The following CPHXL2 variants were observed in gnomAD, a reference collection of about 807,000 sequenced individuals.
CPHXL2 encodes the protein cytoplasmic polyadenylated homeobox-like protein 2.
At chr16:75,663,453 C>T in the CPHXL2 span, among the ~76,000 whole-genome samples, 1 of 152,194 alleles carries the variant, frequency 6.6e-6, no homozygotes, top group Non-Finnish European at 1.5e-5. Flanking sequence ...ACGGACCCCT[C>T]CTCTCAGCCA....
chr16:75,673,351 C>T, the CPHXL2 span, among the ~76,000 whole-genome samples: 25 of 151,950 alleles, frequency 1.6e-4, 1 homozygote, highest in East Asian at 3.9e-3. Context: ...GGGAAGTTTC[C>T]TTTAGCCTGG....
At chr16:75,676,891 T>C in the CPHXL2 span, 1 of 398,332 alleles carries the variant, frequency 2.5e-6, no homozygotes, top group Non-Finnish European at 4.4e-6. Flanking sequence ...TCTTCACTAT[T>C]ATAAGGTAAA....
At chr16:75,671,466 A>C in the CPHXL2 span, among the ~76,000 whole-genome samples, 21 of 152,150 alleles carry the variant, frequency 1.4e-4, no homozygotes, top group Admixed American at 1.4e-3. Context: ...TCGTGACTCA[A>C]AATTACCAAA....
the CPHXL2 span, among the ~76,000 whole-genome samples, chr16:75,663,202 C>A: frequency 6.6e-6 from 1 of 152,144 alleles, no homozygotes; most frequent in Non-Finnish European, 1.5e-5. Context: ...CTACTAAATT[C>A]AGAATTGCTT....
chr16:75,672,861 T>A, the CPHXL2 span, among the ~76,000 whole-genome samples: 1 of 151,926 alleles, frequency 6.6e-6, no homozygotes, highest in East Asian at 1.9e-4. Flanking sequence ...CAGACCAGCC[T>A]GGGCAACAAA....
chr16:75,660,647 G>A, the CPHXL2 span: 5 of 398,634 alleles, frequency 1.3e-5, no homozygotes, highest in Middle Eastern at 6.3e-4. Context: ...GACAGAATGA[G>A]CAAAGACAAT....
the CPHXL2 span, among the ~76,000 whole-genome samples, chr16:75,662,973 T>G: frequency 7.2e-5 from 11 of 152,108 alleles, no homozygotes; most frequent in Admixed American, 2.0e-4. Flanking sequence ...TAATTTTTTT[T>G]GTATTTTTAG....
chr16:75,669,670 T>C, the CPHXL2 span: 1 of 396,310 alleles, frequency 2.5e-6, no homozygotes, highest in Non-Finnish European at 4.4e-6. Context: ...AATCCAGGCG[T>C]GACCTCATAG....
chr16:75,663,226 G>C, the CPHXL2 span, among the ~76,000 whole-genome samples: 1 of 152,010 alleles, frequency 6.6e-6, no homozygotes, highest in Non-Finnish European at 1.5e-5. Context: ...GCTATTAGGA[G>C]CACTGAAGCT....
chr16:75,660,616 G>A, the CPHXL2 span: 2 of 398,626 alleles, frequency 5.0e-6, no homozygotes, highest in Non-Finnish European at 8.8e-6. Context: ...TCATTCTGCT[G>A]CTGTTCTTGC....
chr16:75,661,865 TCA>T, the CPHXL2 span, among the ~76,000 whole-genome samples: 1 of 152,104 alleles, frequency 6.6e-6, no homozygotes, highest in African/African-American at 2.4e-5. Flanking sequence ...ACCACAACAG[TCA>T]CAGAAAGACT....
At chr16:75,672,512 A>T in the CPHXL2 span, among the ~76,000 whole-genome samples, 2 of 152,026 alleles carry the variant, frequency 1.3e-5, no homozygotes, top group African/African-American at 4.8e-5. Context: ...TGTTTTTGAG[A>T]TAGAGACTCA....
chr16:75,673,288 A>G, the CPHXL2 span, among the ~76,000 whole-genome samples: 4 of 151,524 alleles, frequency 2.6e-5, no homozygotes, highest in African/African-American at 9.7e-5. Context: ...TATAAAAATT[A>G]GCTGGGCATG....
the CPHXL2 span, among the ~76,000 whole-genome samples, chr16:75,662,140 C>T: frequency 6.6e-6 from 1 of 152,154 alleles, no homozygotes; most frequent in African/African-American, 2.4e-5. Flanking sequence ...GCCAGAGCAG[C>T]TCACAGAACT....
chr16:75,667,776 A>G, the CPHXL2 span, among the ~76,000 whole-genome samples: 3 of 152,204 alleles, frequency 2.0e-5, no homozygotes, highest in Admixed American at 1.3e-4. Flanking sequence ...TTCCACTTGT[A>G]TATTTATCTG....
chr16:75,669,221 T>C, the CPHXL2 span: 3 of 390,202 alleles, frequency 7.7e-6, no homozygotes, highest in East Asian at 3.6e-5. Flanking sequence ...AGCGCTGAGG[T>C]TGGGGAGTCA....
At chr16:75,675,601 C>A in the CPHXL2 span, among the ~76,000 whole-genome samples, 123 of 152,278 alleles carry the variant, frequency 8.1e-4, no homozygotes, top group African/African-American at 2.9e-3. Flanking sequence ...ACTGAGGCTA[C>A]CTTCACGCCA....
the CPHXL2 span, among the ~76,000 whole-genome samples, chr16:75,674,789 A>G: frequency 4.6e-5 from 7 of 151,852 alleles, no homozygotes; most frequent in East Asian, 1.4e-3. Context: ...GGCTCACTGC[A>G]ACCTCTGCCT....
At chr16:75,673,358 C>T in the CPHXL2 span, among the ~76,000 whole-genome samples, 3 of 151,860 alleles carry the variant, frequency 2.0e-5, no homozygotes, top group Admixed American at 2.0e-4. Flanking sequence ...TTCCTTTAGC[C>T]TGGGATTTGG....
Sources: allele counts gnomAD v4.1 joint callset (sites outside exome capture counted in the v4.1 genomes callset), GRCh38; gene constraint gnomAD v4.1.1; transcripts MANE v1.5; gene names NCBI Gene and HGNC (gene_info 2026-07-23, HGNC 2026-07-21).